The following DACH2 variants were observed in gnomAD, a reference collection of about 807,000 sequenced individuals.
The protein encoded by DACH2 is dachshund homolog 2.
DACH2 carries 17 observed loss-of-function variants against 35.8 expected under a neutral mutation model. The ratio of observed to expected loss-of-function variants is 0.48; its 90% CI spans 0.33 to 0.71. The LOEUF (loss-of-function observed/expected upper bound fraction) is 0.71. Among genes scored for constraint, DACH2 ranks in the 30% least tolerant of loss-of-function variants. The pLI is 0.02. For missense variants in DACH2, 469 were observed against 472.7 expected, an observed-to-expected ratio of 0.99 and a Z score of 0.07; for synonymous variants, 195 against 177.3, an observed-to-expected ratio of 1.10 and a Z score of -0.79.
chrX:86,325,296 T>C (rs771848570), intron 1 of DACH2, among the ~76,000 whole-genome samples: 1 of 111,469 alleles, frequency 9.0e-6, no homozygotes, highest in South Asian at 3.8e-4. Flanking sequence ...CTTAATTGAG[T>C]ATGCCACAGG....
At chrX:86,336,428 C>A (rs1205089180) in intron 1 of DACH2, among the ~76,000 whole-genome samples, 1 of 111,990 alleles carries the variant, frequency 8.9e-6, no homozygotes, top group Non-Finnish European at 1.9e-5. Context: ...TCTGCAGCCT[C>A]TGCTGGTGAT....
intron 1 of DACH2, among the ~76,000 whole-genome samples, chrX:86,171,541 A>T (rs1233151502): frequency 9.0e-6 from 1 of 111,582 alleles, no homozygotes; most frequent in Non-Finnish European, 1.9e-5. Context: ...GGGATTGGGG[A>T]TTCCCCTCTT....
intron 3 of DACH2, among the ~76,000 whole-genome samples, chrX:86,525,433 G>T (rs190547806): frequency 9.0e-6 from 1 of 111,490 alleles, no homozygotes; most frequent in East Asian, 2.8e-4. Context: ...TATAAAAATG[G>T]TTGATGATTA....
rs181468527 is a variant in DACH2, at chrX:86,190,025, G to A, written c.488+40917G>A. Among the ~76,000 whole-genome samples the A allele has an allele frequency of 3.7e-5, 4 of 109,386 alleles. No homozygotes were observed. The East Asian group carries it at 1.2e-3, about 32-fold the overall frequency. 95.0% of individuals were successfully genotyped at this position (109,386 alleles called of 115,157 possible). On this transcript the variant is annotated intron_variant, in intron 1 of 11. Coordinates refer to ENST00000373125, the MANE Select transcript of DACH2 (RefSeq NM_053281.3). ...CTAAAAATACAAAAATTAGCCAGGCGTGGTGGCATGTGCCTGTAATCCCAG... is the reference window on the plus strand; with the variant it reads ...CTAAAAATACAAAAATTAGCCAGGCATGGTGGCATGTGCCTGTAATCCCAG...
At chrX:86,294,956 G>A (rs1327048361) in intron 1 of DACH2, among the ~76,000 whole-genome samples, 43 of 111,238 alleles carry the variant, frequency 3.9e-4, no homozygotes, top group African/African-American at 1.1e-3. Context: ...CACCCAGTTC[G>A]AGCTTCCTGG....
chrX:86,449,430 C>A (rs942573606), intron 2 of DACH2, among the ~76,000 whole-genome samples: 2 of 110,096 alleles, frequency 1.8e-5, no homozygotes, highest in African/African-American at 3.3e-5. Context: ...CTCTTTGTTT[C>A]TTTATTTATT....
intron 3 of DACH2, among the ~76,000 whole-genome samples, chrX:86,521,189 G>A (rs374392532): frequency 1.4e-4 from 16 of 111,674 alleles, no homozygotes; most frequent in South Asian, 3.7e-4. Flanking sequence ...GAAATTCTTC[G>A]TTGAAGATTT....
chrX:86,694,685 T>C (rs984558898), intron 4 of DACH2, among the ~76,000 whole-genome samples: 1 of 112,042 alleles, frequency 8.9e-6, no homozygotes, highest in African/African-American at 3.2e-5. Flanking sequence ...AGTATATGTA[T>C]GTTAAAGGTT....
intron 1 of DACH2, among the ~76,000 whole-genome samples, chrX:86,204,066 A>G (rs1428338828): frequency 1.8e-5 from 2 of 111,638 alleles, no homozygotes; most frequent in Non-Finnish European, 3.8e-5. Flanking sequence ...GCAGAAGTGG[A>G]GCAAATTTAA....
intron 2 of DACH2, among the ~76,000 whole-genome samples, chrX:86,458,594 G>A (rs1569408794): frequency 9.0e-6 from 1 of 111,460 alleles, no homozygotes; most frequent in Non-Finnish European, 1.9e-5. Context: ...CAGCATTTTT[G>A]TTCTCATTAA....
chrX:86,245,732 A>G (rs1278170910), intron 1 of DACH2, among the ~76,000 whole-genome samples: 1 of 112,270 alleles, frequency 8.9e-6, no homozygotes, highest in Non-Finnish European at 1.9e-5. Flanking sequence ...CACAGGAGAA[A>G]GAACCAGCAC....
chrX:86,632,193 A>G (rs972968201), intron 3 of DACH2, among the ~76,000 whole-genome samples: 3 of 111,009 alleles, frequency 2.7e-5, no homozygotes, highest in Non-Finnish European at 5.7e-5. Flanking sequence ...GAATTTTGGT[A>G]TTAGTAAAGA....
intron 1 of DACH2, among the ~76,000 whole-genome samples, chrX:86,253,859 G>T (rs774340533): frequency 2.7e-5 from 3 of 111,827 alleles, no homozygotes; most frequent in Non-Finnish European, 5.7e-5. Context: ...CTGTATCAGG[G>T]CAATGATGCC....
chrX:86,413,249 A>G (rs1274475981), intron 2 of DACH2, among the ~76,000 whole-genome samples: 1 of 112,281 alleles, frequency 8.9e-6, no homozygotes, highest in Non-Finnish European at 1.9e-5. Context: ...TTGCAGAAGG[A>G]AAAAGCAATA....
chrX:86,509,293 T>G (rs917268868), intron 2 of DACH2, among the ~76,000 whole-genome samples: 1 of 112,163 alleles, frequency 8.9e-6, no homozygotes, highest in African/African-American at 3.2e-5. Context: ...AACCATACTT[T>G]AAGTTCCCAT....
intron 2 of DACH2, among the ~76,000 whole-genome samples, chrX:86,381,622 A>G (rs1356234706): frequency 9.0e-6 from 1 of 110,860 alleles, no homozygotes; most frequent in African/African-American, 3.3e-5. Flanking sequence ...TATTAGACTA[A>G]ACAATCTCTT....
At chrX:86,262,589 C>A (rs1400043156) in intron 1 of DACH2, among the ~76,000 whole-genome samples, 1 of 107,771 alleles carries the variant, frequency 9.3e-6, no homozygotes, top group African/African-American at 3.5e-5. Context: ...ACATTTTCAA[C>A]AAAATAAATA....
chrX:86,636,030 T>C (rs2040261451), intron 3 of DACH2, among the ~76,000 whole-genome samples: 2 of 112,256 alleles, frequency 1.8e-5, no homozygotes, highest in Admixed American at 9.4e-5. Flanking sequence ...GAGAAAACTA[T>C]TTTAAAATTC....
chrX:86,421,501 C>A (rs958386859), intron 2 of DACH2, among the ~76,000 whole-genome samples: 4 of 111,292 alleles, frequency 3.6e-5, no homozygotes, highest in African/African-American at 1.3e-4. Context: ...ATGGCAAAAA[C>A]AAGAGCAAAC....
Sources: gnomAD v4.1 joint callset for allele counts (sites outside exome capture counted in the v4.1 genomes callset) on GRCh38, gnomAD v4.1.1 for gene constraint, MANE v1.5 for transcripts, NCBI Gene and HGNC (gene_info 2026-07-23, HGNC 2026-07-21) for gene names.